DSE: variants seen among roughly 807,000 people sequenced by gnomAD.
DSE encodes dermatan sulfate epimerase.
Under a neutral mutation model 84.4 loss-of-function variants are expected in DSE, and 36 were observed. That is an observed-to-expected ratio of 0.43 (90% CI 0.33 to 0.56). The LOEUF is 0.56. Among genes scored for constraint, DSE ranks in the 20% least tolerant of loss-of-function variants. The pLI is 0.06. For missense variants in DSE, 862 were observed against 1,169.6 expected (o/e 0.74, Z 3.84); for synonymous variants, 410 against 430.1 (o/e 0.95, Z 0.58).
chr6:116,338,922 A>C (rs1209946232), intron 2 of DSE, among the ~76,000 whole-genome samples: 1 of 152,170 alleles, frequency 6.6e-6, no homozygotes, highest in Non-Finnish European at 1.5e-5. Context: ...GTGGAACTAC[A>C]AGTTCCTCTA....
intron 2 of DSE, among the ~76,000 whole-genome samples, chr6:116,407,839 A>AT (rs1782034418): frequency 6.6e-6 from 1 of 152,058 alleles, no homozygotes; most frequent in Non-Finnish European, 1.5e-5. Context: ...GAATTTTGTG[A>AT]TTTTTATTGT....
upstream of DSE, chr6:116,370,770 C>T (rs1779486801): frequency 7.4e-6 from 7 of 945,634 alleles, no homozygotes; most frequent in Non-Finnish European, 8.8e-6. Context: ...CGGGGCGGGC[C>T]TGCGGTCGGG....
intron 2 of DSE, among the ~76,000 whole-genome samples, chr6:116,358,472 G>A (rs899576277): frequency 6.6e-6 from 1 of 152,082 alleles, no homozygotes; most frequent in African/African-American, 2.4e-5. Flanking sequence ...CAGGTGTAGG[G>A]TAGAAAATGC....
At chr6:116,335,926 T>C (rs978195154) in intron 2 of DSE, among the ~76,000 whole-genome samples, 55 of 152,234 alleles carry the variant, frequency 3.6e-4, no homozygotes, top group African/African-American at 1.2e-3. Flanking sequence ...AGTTTGATTA[T>C]GAGGCACTTT....
chr6:116,269,111 A>C (rs923920443), intron 2 of DSE, among the ~76,000 whole-genome samples: 1 of 152,034 alleles, frequency 6.6e-6, no homozygotes, highest in African/African-American at 2.4e-5. Context: ...GAATGACCCC[A>C]CACCTTTGTA....
chr6:116,353,489 C>A (rs1778425257), intron 2 of DSE, among the ~76,000 whole-genome samples: 1 of 152,136 alleles, frequency 6.6e-6, no homozygotes, highest in African/African-American at 2.4e-5. Flanking sequence ...CAGTAAGGTT[C>A]TTTAAATAAA....
rs72495853 is a variant in DSE at position 116,439,943 on chromosome 6, C to CT, written c.*2599dup. ...GGAGACAGAGTGAGACCGTGTTTCT[C>CT]TCTTTTTTTTTTTTTTAAGTATATT... On this transcript the variant is annotated 3_prime_UTR_variant, in exon 6 of 6. Transcript: ENST00000644252. 2,012 of 131,806 alleles carry CT rather than the reference C, an allele frequency of 0.015. 31 individuals carry two copies. Among genetic ancestry groups the CT allele is most frequent in the African/African-American group, 0.052 (1,729 of 33,300 alleles). 8.2% of individuals were successfully genotyped at this position (131,806 alleles called of 1,614,324 possible). A position where few individuals can be genotyped will look rare whatever the true frequency, so the allele number is the denominator to read the frequency against.
intron 2 of DSE, chr6:116,400,170 A>G (rs1300080123): frequency 6.5e-6 from 1 of 152,738 alleles, no homozygotes; most frequent in Non-Finnish European, 1.5e-5. Flanking sequence ...ACCTGTAGGA[A>G]AACCAACATT....
In DSE at chr6:116,439,360, C is replaced by T. The variant is rs955122113; in HGVS notation, c.*2015C>T. The T allele has an allele frequency of 1.4e-4, 22 of 151,962 alleles. No individual in the cohort carries two copies. The highest frequency in any genetic ancestry group is 5.1e-4 in the African/African-American group (21 of 41,382). 9.4% of individuals were successfully genotyped at this position (151,962 alleles called of 1,614,324 possible). A position where few individuals can be genotyped will look rare whatever the true frequency, so the allele number is the denominator to read the frequency against. On this transcript the variant is annotated 3_prime_UTR_variant, in exon 6 of 6. Transcript: ENST00000644252. ...GTCGCCACAGCATGATCCAGTGTAA[C>T]ATATTAGTTCATTTTAAAGTAGTCT...
intron 2 of DSE, among the ~76,000 whole-genome samples, chr6:116,420,512 T>C (rs1180230045): frequency 6.6e-6 from 1 of 152,160 alleles, no homozygotes; most frequent in African/African-American, 2.4e-5. Context: ...GGCGGCGGCC[T>C]TCTAAAAGCC....
intron 2 of DSE, among the ~76,000 whole-genome samples, chr6:116,290,311 T>G (rs1030641979): frequency 2.0e-5 from 3 of 152,156 alleles, no homozygotes; most frequent in South Asian, 4.1e-4. Flanking sequence ...TTAGGCAGTG[T>G]TGGCTGCATT....
intron 2 of DSE, among the ~76,000 whole-genome samples, chr6:116,268,634 G>A (rs545864850): frequency 2.6e-5 from 4 of 152,238 alleles, no homozygotes; most frequent in African/African-American, 4.8e-5. Context: ...CCTATTCATC[G>A]TAATAACCAA....
chr6:116,279,468 C>T, intron 2 of DSE: 2 of 1,612,970 alleles, frequency 1.2e-6, no homozygotes, highest in South Asian at 2.2e-5. Context: ...CGCCCTTTTT[C>T]AGGCTGCGGT....
intron 2 of DSE, among the ~76,000 whole-genome samples, chr6:116,414,361 C>A (rs1257412407): frequency 6.6e-6 from 1 of 152,080 alleles, no homozygotes; most frequent in Non-Finnish European, 1.5e-5. Flanking sequence ...CAATATAGAT[C>A]TGTTTTATTT....
At chr6:116,398,949 T>A (rs1273825140) in intron 1 of DSE, among the ~76,000 whole-genome samples, 1 of 152,240 alleles carries the variant, frequency 6.6e-6, no homozygotes, top group Non-Finnish European at 1.5e-5. Context: ...CTTGAACAAA[T>A]ATTATACATT....
intron 2 of DSE, among the ~76,000 whole-genome samples, chr6:116,404,217 A>G (rs1281074185): frequency 1.3e-5 from 2 of 152,206 alleles, no homozygotes; most frequent in African/African-American, 4.8e-5. Context: ...CAAACAAACA[A>G]AATGTACTCA....
At chr6:116,333,571 G>A (rs1562236383) in intron 2 of DSE, among the ~76,000 whole-genome samples, 1 of 152,162 alleles carries the variant, frequency 6.6e-6, no homozygotes, top group African/African-American at 2.4e-5. Flanking sequence ...ACCATAGCAT[G>A]TCTCAACTGA....
At chr6:116,421,139 T>C (rs1369635083) in intron 2 of DSE, among the ~76,000 whole-genome samples, 1 of 152,038 alleles carries the variant, frequency 6.6e-6, no homozygotes, top group Non-Finnish European at 1.5e-5. Flanking sequence ...ACCCTTACAC[T>C]CAGAAAATCA....
At chr6:116,344,514 A>T (rs1292426957) in intron 2 of DSE, among the ~76,000 whole-genome samples, 3 of 151,756 alleles carry the variant, frequency 2.0e-5, no homozygotes, top group Admixed American at 1.3e-4. Context: ...TCAACCCAGA[A>T]TTTCATATCC....
Sources: gnomAD v4.1 joint callset for allele counts (sites outside exome capture counted in the v4.1 genomes callset) on GRCh38, gnomAD v4.1.1 for gene constraint, MANE v1.5 for transcripts, NCBI Gene and HGNC (gene_info 2026-07-23, HGNC 2026-07-21) for gene names.